Variants in ADAM12 observed in about 807,000 individuals in gnomAD.
ADAM12 encodes disintegrin and metalloproteinase domain-containing protein 12.
A neutral mutation model predicts 106.4 loss-of-function variants in ADAM12; 70 were observed. The observed-to-expected ratio is 0.66, with a 90% CI of 0.54 to 0.80. The LOEUF (loss-of-function observed/expected upper bound fraction) is 0.80, where lower values mean the gene tolerates loss of function less well. Ranked by LOEUF, ADAM12 falls within the 30% of genes least tolerant of loss-of-function variation. The pLI is 0.00. For missense variants in ADAM12, 1,010 were observed against 1,171.9 expected, an observed-to-expected ratio of 0.86 and a Z score of 2.02; for synonymous variants, 420 against 433.5, an observed-to-expected ratio of 0.97 and a Z score of 0.39.
intron 5 of ADAM12, 31 bp from the exon 6 acceptor site, chr10:126,118,255 A>C: frequency 6.5e-7 from 1 of 1,533,648 alleles, no homozygotes; most frequent in Non-Finnish European, 8.9e-7. Context: ...AAAAATATAT[A>C]ATTTTAAGGA....
rs547671472 is a variant in ADAM12, at chr10:126,168,978, G to A, written c.261-13673C>T. Among the ~76,000 whole-genome samples the A allele has an allele frequency of 3.3e-5, 5 of 152,190 alleles. 1 individual carries two copies. The highest frequency in any genetic ancestry group is 9.6e-5 in the African/African-American group (4 of 41,538). On this transcript the variant is annotated intron_variant, in intron 3 of 22. Transcript: ENST00000448723. ...TGAGGCAGGAGATTTGTGTGAATCCGAGAGGCAGAGATTGTAGTGAGCCGA... is the reference window on the plus strand; with the variant it reads ...TGAGGCAGGAGATTTGTGTGAATCCAAGAGGCAGAGATTGTAGTGAGCCGA...
chr10:126,266,300 G>A (rs1486214445), intron 3 of ADAM12, among the ~76,000 whole-genome samples: 1 of 152,186 alleles, frequency 6.6e-6, no homozygotes, highest in Non-Finnish European at 1.5e-5. Context: ...GGTGACAAGA[G>A]CAGCAGGTGC....
intron 4 of ADAM12, among the ~76,000 whole-genome samples, chr10:126,150,007 G>T (rs1315721049): frequency 6.6e-6 from 1 of 152,156 alleles, no homozygotes; most frequent in Non-Finnish European, 1.5e-5. Flanking sequence ...CTAAGAAAAA[G>T]AAAACTAGTA....
At chr10:126,243,003 G>GC (rs1958556977) in intron 3 of ADAM12, among the ~76,000 whole-genome samples, 1 of 152,202 alleles carries the variant, frequency 6.6e-6, no homozygotes, top group South Asian at 2.1e-4. Context: ...CCAAGGGGTG[G>GC]CCACCCATCC....
intron 2 of ADAM12, among the ~76,000 whole-genome samples, chr10:126,310,484 C>T (rs1245874586): frequency 1.3e-5 from 2 of 152,058 alleles, no homozygotes; most frequent in Non-Finnish European, 2.9e-5. Context: ...ATTGACCTTG[C>T]CAAAAGATGT....
At chr10:126,280,601 G>A (rs149617480) in intron 2 of ADAM12, among the ~76,000 whole-genome samples, 2 of 152,140 alleles carry the variant, frequency 1.3e-5, no homozygotes, top group Admixed American at 1.3e-4. Context: ...TGCCACCTGA[G>A]AATTAGATTA....
At chr10:126,140,646 T>C (rs1956492183) in intron 4 of ADAM12, among the ~76,000 whole-genome samples, 1 of 152,248 alleles carries the variant, frequency 6.6e-6, no homozygotes, top group South Asian at 2.1e-4. Flanking sequence ...CTTAGATTAC[T>C]GACCATAATT....
At chr10:126,109,903 G>T in intron 6 of ADAM12, 63 bp from the exon 7 acceptor site, 2 of 1,504,500 alleles carry the variant, frequency 1.3e-6, no homozygotes, top group South Asian at 2.3e-5. Flanking sequence ...GACTGTCAAT[G>T]TCTCTCAATC....
chr10:126,310,727 T>C (rs1961046116), intron 2 of ADAM12, among the ~76,000 whole-genome samples: 1 of 152,166 alleles, frequency 6.6e-6, no homozygotes. Flanking sequence ...GGGATGTGTC[T>C]CATTATCAAT....
intron 2 of ADAM12, among the ~76,000 whole-genome samples, chr10:126,323,949 GA>G: frequency 6.6e-6 from 1 of 152,340 alleles, no homozygotes; most frequent in African/African-American, 2.4e-5. Context: ...ATATCCAACA[GA>G]AAGAACTAGA....
At chr10:126,261,865 C>T (rs947729404) in intron 3 of ADAM12, among the ~76,000 whole-genome samples, 5 of 149,694 alleles carry the variant, frequency 3.3e-5, no homozygotes, top group Admixed American at 1.3e-4. Flanking sequence ...TGCAGCGGCG[C>T]GATCTCCGCT....
intron 3 of ADAM12, among the ~76,000 whole-genome samples, chr10:126,215,754 T>C (rs1250911558): frequency 6.6e-6 from 1 of 152,166 alleles, no homozygotes; most frequent in Non-Finnish European, 1.5e-5. Context: ...AAGCAGAATG[T>C]GTACCAGTGA....
chr10:126,019,686 C>T lies in ADAM12; in HGVS notation c.2660+9G>A. 6.2e-6 allele frequency: 10 copies of T among 1,611,672 alleles called. No individual in the cohort carries two copies. The highest frequency in any genetic ancestry group is 8.5e-6 in the Non-Finnish European group (10 of 1,178,568). The stretch of plus-strand genomic sequence containing the variant: ...AGAGAAAGAGATGGGCATGGCATGT[C>T]ACACAAACCTGAGGGGTGCCAGGCG... On this transcript the variant is annotated intron_variant, in intron 22 of 22. Transcript: ENST00000448723.
At chr10:126,193,679 A>G (rs978051764) in intron 3 of ADAM12, among the ~76,000 whole-genome samples, 1 of 152,134 alleles carries the variant, frequency 6.6e-6, no homozygotes, top group Non-Finnish European at 1.5e-5. Flanking sequence ...AGTGGATCAC[A>G]TGAGGTCAGG....
At chr10:126,185,120 C>A (rs1328205183) in intron 3 of ADAM12, among the ~76,000 whole-genome samples, 2 of 152,210 alleles carry the variant, frequency 1.3e-5, no homozygotes, top group African/African-American at 4.8e-5. Context: ...GATTTTGTAG[C>A]ACAAAGCTGA....
chr10:126,358,174 C>G (rs1320737304), intron 1 of ADAM12, among the ~76,000 whole-genome samples: 2 of 82,076 alleles, frequency 2.4e-5, no homozygotes, highest in Non-Finnish European at 5.0e-5. Context: ...GAGACTCCGT[C>G]TCAAAAAAAA....
chr10:126,305,914 A>G lies in ADAM12; in HGVS notation c.186+24498T>C, dbSNP rs59751469. On this transcript the variant is annotated intron_variant, in intron 2 of 22. Coordinates refer to ENST00000448723, the MANE Select transcript of ADAM12 (RefSeq NM_001288973.2). ...ATTTTGATGTGTTTGCTTGCATGGC[A>G]TATATATTTTTCTCTCCTTTTACTT... is the stretch of plus-strand genomic sequence containing the variant. Among the ~76,000 whole-genome samples the G allele has an allele frequency of 5.6e-3, 847 of 152,044 alleles. 13 individuals carry two copies. Among genetic ancestry groups the G allele is most frequent in the African/African-American group, 0.018 (733 of 41,526 alleles).
At chr10:126,251,627 TGG>T (rs1958759211) in intron 3 of ADAM12, among the ~76,000 whole-genome samples, 1 of 75,216 alleles carries the variant, frequency 1.3e-5, no homozygotes, top group African/African-American at 4.9e-5. Context: ...GATAGATGAA[TGG>T]ATGGGATGAT....
rs369863403 is a variant in ADAM12 at position 126,038,324 on chromosome 10, G to A, written c.2266C>T (p.Arg756Cys). ...TGAGCCTGACAGGGTTGGAAGCCAC[G>A]GGGTGGCCGGGAAGGGCGCACACAC... Reference protein sequence around the residue: ...LRCVRPSRPPRGFQPCQAHLG... With the variant: ...LRCVRPSRPPCGFQPCQAHLG... Residue 756 changes from arginine (R) to cysteine (C), a missense_variant, in exon 20 of 23, where the codon CGT (arginine) becomes TGT (cysteine). Arg to Cys is a radical substitution (Grantham distance 180). This residue lies in a region of ADAM12 where 615 missense variants were observed against 708.5 expected (regional missense o/e 0.87). Coordinates refer to ENST00000448723, the MANE Select transcript of ADAM12 (RefSeq NM_001288973.2). 4.4e-6 allele frequency: 7 copies of A among 1,605,554 alleles called. No individual in the cohort carries two copies. The highest frequency in any genetic ancestry group is 2.2e-5 in the East Asian group (1 of 44,638).
Sources: allele counts gnomAD v4.1 joint callset (sites outside exome capture counted in the v4.1 genomes callset), GRCh38; gene constraint gnomAD v4.1.1; regional missense constraint gnomAD v4.1.1; transcripts MANE v1.5; gene names NCBI Gene and HGNC (gene_info 2026-07-23, HGNC 2026-07-21).